Variants in NTRK2 observed in about 807,000 individuals in gnomAD.
NTRK2 encodes the protein BDNF/NT-3 growth factors receptor.
In NTRK2, 13 loss-of-function variants were observed where a neutral mutation model predicts 94.5. The ratio of observed to expected loss-of-function variants is 0.14; its 90% CI spans 0.09 to 0.22. NTRK2 has a LOEUF of 0.22. NTRK2 is among the 10% of genes least tolerant of loss of function. The pLI is 1.00. For synonymous variants in NTRK2, 372 were observed against 407.4 expected (o/e 0.91, Z 1.05); for missense variants, 639 against 1,071.2 (o/e 0.60, Z 5.63).
intron 14 of NTRK2, among the ~76,000 whole-genome samples, chr9:84,894,163 T>TGGGGCTGGGG (rs1564440812): frequency 9.8e-4 from 7 of 7,160 alleles, no homozygotes; most frequent in South Asian, 6.1e-3. Flanking sequence ...CTTGACTATT[T>TGGGGCTGGGG]GGGAGAATAT....
intron 12 of NTRK2, among the ~76,000 whole-genome samples, chr9:84,833,259 A>T (rs1402046943): frequency 3.3e-5 from 5 of 151,900 alleles, no homozygotes; most frequent in African/African-American, 1.2e-4. Flanking sequence ...AGAGATTTTT[A>T]AAATATCCAT....
At chr9:84,760,326 A>G (rs975952667) in intron 12 of NTRK2, among the ~76,000 whole-genome samples, 4 of 152,192 alleles carry the variant, frequency 2.6e-5, no homozygotes, top group Non-Finnish European at 4.4e-5. Flanking sequence ...TCTAAGAGGT[A>G]GTTACTTTTC....
chr9:84,720,419 C>T (rs1466373229), intron 6 of NTRK2, among the ~76,000 whole-genome samples: 3 of 152,244 alleles, frequency 2.0e-5, no homozygotes, highest in Non-Finnish European at 4.4e-5. Flanking sequence ...ACCTCTTTCT[C>T]CTCCAAGCAG....
At chr9:84,866,664 T>G (rs1302754443) in intron 13 of NTRK2, among the ~76,000 whole-genome samples, 1 of 152,204 alleles carries the variant, frequency 6.6e-6, no homozygotes, top group Non-Finnish European at 1.5e-5. Context: ...GAAAACAGTT[T>G]GGCAGTTCCT....
intron 17 of NTRK2, among the ~76,000 whole-genome samples, chr9:85,006,411 G>T (rs1363681286): frequency 6.6e-6 from 1 of 152,096 alleles, no homozygotes; most frequent in Non-Finnish European, 1.5e-5. Context: ...CTGCCATCAT[G>T]CTAAGCATAC....
intron 14 of NTRK2, chr9:84,872,408 A>G (rs201381762): frequency 1.6e-5 from 17 of 1,080,216 alleles, no homozygotes; most frequent in South Asian, 8.4e-5. Context: ...AGCAAACACT[A>G]TAGATGTCCT....
At chr9:84,780,588 G>A (rs948929720) in intron 12 of NTRK2, among the ~76,000 whole-genome samples, 1 of 152,118 alleles carries the variant, frequency 6.6e-6, no homozygotes, top group African/African-American at 2.4e-5. Flanking sequence ...CAAACTTAGG[G>A]GAATACCAAG....
intron 12 of NTRK2, among the ~76,000 whole-genome samples, chr9:84,772,876 G>A (rs933177214): frequency 6.6e-6 from 1 of 152,178 alleles, no homozygotes; most frequent in African/African-American, 2.4e-5. Context: ...AGTGGCAGGG[G>A]ACGATGATGG....
intron 17 of NTRK2, among the ~76,000 whole-genome samples, chr9:85,005,818 T>C (rs566799230): frequency 6.6e-6 from 1 of 152,366 alleles, no homozygotes; most frequent in African/African-American, 2.4e-5. Context: ...AAGCCTTGAC[T>C]GACCTACCTT....
At chr9:84,834,254 A>G (rs961755161) in intron 12 of NTRK2, among the ~76,000 whole-genome samples, 10 of 152,340 alleles carry the variant, frequency 6.6e-5, no homozygotes, top group African/African-American at 2.4e-4. Flanking sequence ...TTCATGCACA[A>G]AATAAAAAAT....
chr9:85,025,359 G>A lies in NTRK2; in HGVS notation c.*3922G>A. The stretch of plus-strand genomic sequence containing the variant: ...CTCACTGTGACCCCTTTACACTTGA[G>A]TTCAGAGTTCAAGCATTCCAAATAT... On this transcript the variant is annotated 3_prime_UTR_variant, in exon 19 of 19. Coordinates refer to ENST00000277120, the MANE Select transcript of NTRK2 (RefSeq NM_006180.6). The A allele has an allele frequency of 4.3e-6, 1 of 233,242 alleles. No individual in the cohort carries two copies. The highest frequency in any genetic ancestry group is 8.5e-6 in the Non-Finnish European group (1 of 118,020). The allele number at this position is 233,242 out of a possible 1,614,324, so 14.4% of individuals were successfully genotyped here.
intron 17 of NTRK2, among the ~76,000 whole-genome samples, chr9:84,976,858 A>G (rs1826925236): frequency 6.6e-6 from 1 of 152,238 alleles, no homozygotes; most frequent in South Asian, 2.1e-4. Context: ...TTTGAAGAGG[A>G]AAATTAGATC....
chr9:84,757,152 T>C (rs1228555023), intron 12 of NTRK2, among the ~76,000 whole-genome samples: 1 of 152,094 alleles, frequency 6.6e-6, no homozygotes, highest in African/African-American at 2.4e-5. Context: ...ACCCTCTTCC[T>C]TCTTCTTTTT....
intron 12 of NTRK2, among the ~76,000 whole-genome samples, chr9:84,836,031 C>T (rs78435550): frequency 0.019 from 2,851 of 151,806 alleles, 81 homozygotes; most frequent in African/African-American, 0.064. Flanking sequence ...ATTGTGGGGC[C>T]GTCTTAGAAC....
intron 12 of NTRK2, among the ~76,000 whole-genome samples, chr9:84,772,225 C>T (rs2066620422): frequency 6.6e-6 from 1 of 152,146 alleles, no homozygotes; most frequent in Admixed American, 6.5e-5. Context: ...TAACAGTGGA[C>T]ATGCATCCAT....
At chr9:85,003,591 A>G (rs1830559600) in intron 17 of NTRK2, among the ~76,000 whole-genome samples, 1 of 152,148 alleles carries the variant, frequency 6.6e-6, no homozygotes, top group East Asian at 1.9e-4. Context: ...GGGTCCTGCT[A>G]AAATGTTTGG....
At chr9:84,978,022 G>C (rs1564519883) in intron 17 of NTRK2, among the ~76,000 whole-genome samples, 1 of 152,100 alleles carries the variant, frequency 6.6e-6, no homozygotes, top group Non-Finnish European at 1.5e-5. Flanking sequence ...CTACCAACTG[G>C]ATATTTGCCA....
At chr9:84,830,343 T>C (rs2073459062) in intron 12 of NTRK2, among the ~76,000 whole-genome samples, 1 of 152,216 alleles carries the variant, frequency 6.6e-6, no homozygotes, top group Non-Finnish European at 1.5e-5. Context: ...CAGGGCTTTA[T>C]TGATCCTTTA....
At chr9:84,676,199 T>C (rs1212333826) in intron 2 of NTRK2, among the ~76,000 whole-genome samples, 2 of 152,168 alleles carry the variant, frequency 1.3e-5, no homozygotes, top group African/African-American at 4.8e-5. Flanking sequence ...AACTGAGGGC[T>C]TTGGATTTGA....
Sources: allele counts gnomAD v4.1 joint callset (sites outside exome capture counted in the v4.1 genomes callset), GRCh38; gene constraint gnomAD v4.1.1; transcripts MANE v1.5; gene names NCBI Gene and HGNC (gene_info 2026-07-23, HGNC 2026-07-21).